ERICH6: variants seen among roughly 807,000 people sequenced by gnomAD.
ERICH6 encodes glutamate-rich protein 6.
Under a neutral mutation model 71.0 loss-of-function variants are expected in ERICH6, and 71 were observed. The ratio of observed to expected loss-of-function variants is 1.00; its 90% CI spans 0.83 to 1.22. The LOEUF is 1.22. ERICH6 is among the 50% of genes most tolerant of loss of function. The pLI, the probability that ERICH6 is intolerant of heterozygous loss-of-function variation, is 0.00. For synonymous variants in ERICH6, 262 were observed against 278.4 expected (o/e 0.94, Z 0.59); for missense variants, 808 against 797.2 (o/e 1.01, Z -0.16).
intron 6 of ERICH6, among the ~76,000 whole-genome samples, chr3:150,684,195 G>T (rs1289271649): frequency 1.3e-5 from 2 of 151,966 alleles, no homozygotes; most frequent in East Asian, 3.8e-4. Context: ...AGCCCACCCT[G>T]GGCAATATAG....
chr3:150,688,274 T>C (rs1331725763), intron 3 of ERICH6, among the ~76,000 whole-genome samples: 1 of 152,110 alleles, frequency 6.6e-6, no homozygotes, highest in Non-Finnish European at 1.5e-5. Flanking sequence ...AAAAAATTAA[T>C]GCACAAAGGT....
chr3:150,685,577 C>G (rs1182822554), intron 6 of ERICH6, among the ~76,000 whole-genome samples, 165 bp downstream of exon 6: 1 of 151,386 alleles, frequency 6.6e-6, no homozygotes, highest in African/African-American at 2.4e-5. Context: ...TATAGCAGCC[C>G]TAGGCAACTA....
chr3:150,679,803 G>T (rs999367945), intron 9 of ERICH6, among the ~76,000 whole-genome samples: 6 of 151,952 alleles, frequency 3.9e-5, no homozygotes, highest in African/African-American at 1.5e-4. Flanking sequence ...GATTACAGGC[G>T]CCTGCCACCA....
At chr3:150,698,301 T>C (rs1219250664) in intron 3 of ERICH6, among the ~76,000 whole-genome samples, 1 of 152,162 alleles carries the variant, frequency 6.6e-6, no homozygotes, top group Non-Finnish European at 1.5e-5. Context: ...TGGCAAATGT[T>C]AGGTGCTTGG....
chr3:150,669,877 C>T (rs905076975), intron 11 of ERICH6, among the ~76,000 whole-genome samples: 1 of 152,118 alleles, frequency 6.6e-6, no homozygotes, highest in Non-Finnish European at 1.5e-5. Flanking sequence ...ATGTCCTCAA[C>T]CTGATAAAGA....
chr3:150,703,324 G>T (rs1316358765), intron 1 of ERICH6, among the ~76,000 whole-genome samples, 172 bp downstream of exon 1: 1 of 152,136 alleles, frequency 6.6e-6, no homozygotes, highest in African/African-American at 2.4e-5. Context: ...CTCAGCCAAG[G>T]GTTCAGTGTC....
intron 3 of ERICH6, among the ~76,000 whole-genome samples, 153 bp from the exon 4 acceptor site, chr3:150,686,507 A>T (rs78889446): frequency 0.042 from 6,341 of 152,264 alleles, 453 homozygotes; most frequent in African/African-American, 0.14. Flanking sequence ...CATTTTGCCG[A>T]CAATAAGGAA....
In ERICH6 at chr3:150,702,176, A is replaced by G. The variant is rs964230699; in HGVS notation, c.406T>C (p.Phe136Leu). Residue 136 changes from phenylalanine (F) to leucine (L), a missense_variant and splice_region_variant, in exon 2 of 14, where the codon TTC (phenylalanine) becomes CTC (leucine). Physicochemically the swap from Phe to Leu is conservative, Grantham distance 22. Coordinates refer to ENST00000295910, the MANE Select transcript of ERICH6 (RefSeq NM_152394.5). ...CTAAATGTCTGAAATATTTTAGGGA[A>G]ACCTGTTGAATGAAACATTTAAAAA... is the stretch of plus-strand genomic sequence containing the variant. ...PPSSTSSHKS[F>L]PKIFQTFRKD... 3 of 1,579,822 alleles carry G rather than the reference A, an allele frequency of 1.9e-6. No individual in the cohort carries two copies. Among genetic ancestry groups the G allele is most frequent in the Non-Finnish European group, 2.6e-6 (3 of 1,155,930 alleles).
At chr3:150,700,833 C>T (rs1191894320) in intron 2 of ERICH6, among the ~76,000 whole-genome samples, 1 of 152,184 alleles carries the variant, frequency 6.6e-6, no homozygotes, top group African/African-American at 2.4e-5. Flanking sequence ...CTGCCCACCT[C>T]AGCCTCCCAA....
At chr3:150,686,177 T>TCACA (rs999190801) in intron 4 of ERICH6, 121 bp downstream of exon 4, 63 of 1,287,096 alleles carry the variant, frequency 4.9e-5, no homozygotes, top group Non-Finnish European at 6.6e-5. Context: ...CGCCACCTTC[T>TCACA]CACACCTGTT....
At chr3:150,680,989 G>T in intron 7 of ERICH6, 59 bp from the exon 8 acceptor site, 3 of 1,468,450 alleles carry the variant, frequency 2.0e-6, no homozygotes, top group Non-Finnish European at 2.7e-6. Flanking sequence ...GATTAGAGGG[G>T]ATAAAAATGA....
At position 150,685,747 on chromosome 3, in the gene ERICH6, A is replaced by C; in HGVS notation, c.778T>G (p.Phe260Val). ...GAAACATGAATTAAAGTCACCTTGA[A>C]GTTAATGCCTAAATTGGAGCTCTCT... ...KEESSNLGIN[F>V]KDEEEETSPK... Residue 260 changes from phenylalanine to valine, a missense_variant, in exon 6 of 14, where the codon TTC (phenylalanine) becomes GTC (valine). By Grantham distance (50) the Phe-to-Val change is conservative. Coordinates refer to ENST00000295910, the MANE Select transcript of ERICH6 (RefSeq NM_152394.5). The C allele has an allele frequency of 1.1e-5, 17 of 1,610,330 alleles. No individual in the cohort carries two copies. The highest frequency in any genetic ancestry group is 1.4e-5 in the Non-Finnish European group (16 of 1,177,814).
chr3:150,661,369 G>A (rs757349527), intron 13 of ERICH6, among the ~76,000 whole-genome samples: 18 of 152,162 alleles, frequency 1.2e-4, no homozygotes, highest in Non-Finnish European at 2.6e-4. Context: ...GGGCACTAGC[G>A]CTAGCCTTCT....
chr3:150,680,578 G>A (rs1432669461), intron 8 of ERICH6, 40 bp from the exon 9 acceptor site: 4 of 1,609,470 alleles, frequency 2.5e-6, no homozygotes, highest in Non-Finnish European at 3.4e-6. Flanking sequence ...TCTGAAATGT[G>A]GTTGAAGCTT....
chr3:150,694,585 C>T (rs190221634), intron 3 of ERICH6, among the ~76,000 whole-genome samples: 9 of 152,312 alleles, frequency 5.9e-5, no homozygotes, highest in Admixed American at 2.6e-4. Flanking sequence ...ATTACCACTT[C>T]GTTCCTCCTT....
At position 150,659,975 on chromosome 3, in the gene ERICH6, T is replaced by C; in HGVS notation, c.1909A>G (p.Lys637Glu). Residue 637 changes from lysine to glutamate, a missense_variant, in exon 14 of 14, where the codon AAA (lysine) becomes GAA (glutamate). Transcript: ENST00000295910. Reference protein sequence around the residue: ...QPSYLSSLSLKLIALCHSSGI... With the variant: ...QPSYLSSLSLELIALCHSSGI... ...GAACTGTGACAAAGGGCAATTAGTT[T>C]TAGAGAAAGTGAAGAAAGGTAGGAA... 6.2e-7 allele frequency: 1 copy of C among 1,614,146 alleles called. No individual in the cohort carries two copies. The highest frequency in any genetic ancestry group is 8.5e-7 in the Non-Finnish European group (1 of 1,180,014).
At chr3:150,663,479 G>C (rs575996452) in intron 13 of ERICH6, among the ~76,000 whole-genome samples, 9 of 152,224 alleles carry the variant, frequency 5.9e-5, no homozygotes, top group African/African-American at 1.4e-4. Flanking sequence ...TTTCCTAACA[G>C]GGTCTTGCTC....
chr3:150,702,254 T>C, intron 1 of ERICH6, 76 bp from the exon 2 acceptor site: 1 of 581,136 alleles, frequency 1.7e-6, no homozygotes, highest in Non-Finnish European at 3.0e-6. Context: ...CAGGAACACA[T>C]GGCAATGTCT....
chr3:150,660,162 A>C lies in ERICH6; in HGVS notation c.1729-7T>G. 1 of 1,608,002 alleles carries C rather than the reference A, an allele frequency of 6.2e-7. No homozygotes were observed. Among genetic ancestry groups the C allele is most frequent in the Non-Finnish European group, 8.5e-7 (1 of 1,176,258 alleles). The stretch of plus-strand genomic sequence containing the variant: ...TCTCCTCAGGGTTTGGTAGCTTTTC[A>C]GCAAAGAGAAAGAGAAGGAAACTCA... On this transcript the variant is annotated splice_polypyrimidine_tract_variant and splice_region_variant and intron_variant, in intron 13 of 13. Transcript: ENST00000295910.
Sources: gnomAD v4.1 joint callset for allele counts (sites outside exome capture counted in the v4.1 genomes callset) on GRCh38, gnomAD v4.1.1 for gene constraint, MANE v1.5 for transcripts, NCBI Gene and HGNC (gene_info 2026-07-23, HGNC 2026-07-21) for gene names.